PXN: variants seen among roughly 807,000 people sequenced by gnomAD.
PXN encodes paxillin.
In PXN, 61 loss-of-function variants were observed where a neutral mutation model predicts 103.6. The observed-to-expected ratio is 0.59, with a 90% confidence interval of 0.48 to 0.73. The LOEUF is 0.73. Ranked by LOEUF, PXN falls within the 30% of genes least tolerant of loss-of-function variation. The pLI, the probability that PXN is intolerant of heterozygous loss-of-function variation, is 0.00. For synonymous variants in PXN, 562 were observed against 607.8 expected, an observed-to-expected ratio of 0.92 and a Z score of 1.11; for missense variants, 1,274 against 1,460.3, an observed-to-expected ratio of 0.87 and a Z score of 2.08.
Position 120,212,627 on chromosome 12 carries a change from G to A in PXN, c.2980-47C>T. 6.3e-7 allele frequency: 1 copy of A among 1,579,534 alleles called. No homozygotes were observed. Among genetic ancestry groups the A allele is most frequent in the Non-Finnish European group, 8.6e-7 (1 of 1,162,116 alleles). On this transcript the variant is annotated intron_variant, in intron 14 of 14. Coordinates refer to ENST00000637617, the MANE Select transcript of PXN (RefSeq NM_001385981.1). The surrounding 1 kb of genome is among the most constrained non-coding windows in gnomAD (Gnocchi z 7.2). ...TCAGGGAGCTGCCCCTCGGGCTAGA[G>A]CTGCACCCTGTGTGATGGGGCCGAG...
chr12:120,245,929 C>T (rs756569363), intron 1 of PXN, among the ~76,000 whole-genome samples: 3 of 151,866 alleles, frequency 2.0e-5, no homozygotes, highest in Non-Finnish European at 2.9e-5. Flanking sequence ...ATATACTGTT[C>T]TTACATTATA....
chr12:120,214,160 A>G lies in PXN; in HGVS notation c.2806T>C (p.Cys936Arg). Residue 936 changes from cysteine (C) to arginine (R), a missense_variant, in exon 13 of 15, where the codon TGT (cysteine) becomes CGT (arginine). By Grantham distance (180) the Cys-to-Arg change is radical. Transcript: ENST00000637617. The surrounding 1 kb of genome is among the most constrained non-coding windows in gnomAD (Gnocchi z 5.0). ...CCTTCGGGACCAAAGAAGGCTCCAC[A>G]CTGTGCACAGAAGAAGTGTTCAGGG... ...WHPEHFFCAQ[C>R]GAFFGPEGFH... 2 of 1,552,434 alleles carry G rather than the reference A, an allele frequency of 1.3e-6. No homozygotes were observed. Among genetic ancestry groups the G allele is most frequent in the Non-Finnish European group, 1.7e-6 (2 of 1,147,526 alleles).
intron 1 of PXN, among the ~76,000 whole-genome samples, chr12:120,237,467 G>A (rs1319766816): frequency 6.6e-6 from 1 of 152,164 alleles, no homozygotes; most frequent in African/African-American, 2.4e-5. Flanking sequence ...CCACCCGCAT[G>A]TGTTCCAGTG....
rs750644101 is a variant in PXN at position 120,219,192 on chromosome 12, C to T, written c.1716+15G>A. 23 of 1,544,344 alleles carry T rather than the reference C, an allele frequency of 1.5e-5. No homozygotes were observed. Among genetic ancestry groups the T allele is most frequent in the Admixed American group, 1.9e-5 (1 of 53,102 alleles). On this transcript the variant is annotated intron_variant, in intron 7 of 14. Transcript: ENST00000637617. This position sits in a 1 kb window ranked among gnomAD's most constrained non-coding sequence, Gnocchi z 6.5. ...CCAATGGCCATGCCCAGCAGCCATG[C>T]GAGCTGGTGCCTGCCTGGCCAGAGG... is the stretch of plus-strand genomic sequence containing the variant.
chr12:120,211,914 A>G lies in PXN; in HGVS notation c.*400T>C, dbSNP rs989507354. On this transcript the variant is annotated 3_prime_UTR_variant, in exon 15 of 15. Coordinates refer to ENST00000637617, the MANE Select transcript of PXN (RefSeq NM_001385981.1). ...CAATTAGGTCGGGGGAGGAATAAGGATAAAAAGAGACCCCAACAGACCCTG... is the reference window on the plus strand; with the variant it reads ...CAATTAGGTCGGGGGAGGAATAAGGGTAAAAAGAGACCCCAACAGACCCTG... The G allele has an allele frequency of 5.7e-6, 3 of 528,332 alleles. No homozygotes were observed. The African/African-American group carries it at 5.7e-5, about 10-fold the overall frequency. 32.7% of individuals were successfully genotyped at this position (528,332 alleles called of 1,614,324 possible). A position where few individuals can be genotyped will look rare whatever the true frequency, so the allele number is the denominator to read the frequency against.
chr12:120,263,213 T>TG, intron 1 of PXN, among the ~76,000 whole-genome samples: 1 of 151,632 alleles, frequency 6.6e-6, no homozygotes, highest in East Asian at 1.9e-4. Context: ...AAACAGCTGA[T>TG]GGCAGTGTGC....
intron 1 of PXN, among the ~76,000 whole-genome samples, chr12:120,259,908 C>T (rs1166440285): frequency 6.6e-6 from 1 of 152,184 alleles, no homozygotes; most frequent in East Asian, 1.9e-4. Flanking sequence ...ATAGGACATC[C>T]TTCATTCTCC....
chr12:120,242,876 G>A (rs1452773237), intron 1 of PXN, among the ~76,000 whole-genome samples: 2 of 144,668 alleles, frequency 1.4e-5, no homozygotes, highest in African/African-American at 2.8e-5. Context: ...GCGAGACTCG[G>A]GCTTTAAAAA....
chr12:120,219,596 C>A lies in PXN; in HGVS notation c.1327G>T (p.Val443Leu). The A allele has an allele frequency of 1.9e-6, 3 of 1,564,688 alleles. No individual in the cohort carries two copies. The highest frequency in any genetic ancestry group is 2.6e-6 in the Non-Finnish European group (3 of 1,162,648). ...GGGGGCATTCTCTCAGGCCCGAATACCTCCGAAGCCCATGGCTGCTCCCAT... is the reference window on the plus strand; with the variant it reads ...GGGGGCATTCTCTCAGGCCCGAATAACTCCGAAGCCCATGGCTGCTCCCAT... Reference protein sequence around the residue: ...ATWEQPWASEVFGPERMPPSG... With the variant: ...ATWEQPWASELFGPERMPPSG... The change falls in exon 7 of 15, where the codon GTA becomes TTA. Residue 443 changes from valine to leucine, a missense_variant. Around this residue, in one of 2 missense-constraint regions of PXN, gnomAD observed 1,178 missense variants for 1,309.0 expected, o/e 0.90. Coordinates refer to ENST00000637617, the MANE Select transcript of PXN (RefSeq NM_001385981.1). This position sits in a 1 kb window ranked among gnomAD's most constrained non-coding sequence, Gnocchi z 6.5.
At position 120,265,361 on chromosome 12, in the gene PXN, C is replaced by G. The variant is rs375435141; in HGVS notation, c.13+256G>C. On this transcript the variant is annotated intron_variant, in intron 1 of 14. Transcript: ENST00000637617. The surrounding 1 kb of genome is among the most constrained non-coding windows in gnomAD (Gnocchi z 5.7). The stretch of plus-strand genomic sequence containing the variant: ...CTTCTGGGAGATGGTGATGGGTCCC[C>G]GAGGTCGGGGGTCCAGAGGTGAAGC... 6.6e-6 allele frequency among the ~76,000 whole-genome samples: 1 copy of G among 152,182 alleles called. No homozygotes were observed. Among genetic ancestry groups the G allele is most frequent in the South Asian group, 2.1e-4 (1 of 4,822 alleles).
At chr12:120,247,737 G>A (rs1232982063) in intron 1 of PXN, 1 of 153,324 alleles carries the variant, frequency 6.5e-6, no homozygotes, top group Non-Finnish European at 1.5e-5. Context: ...TTGCTAAGCA[G>A]ATTACGTCCA....
At chr12:120,238,871 T>C (rs1043756609) in intron 1 of PXN, among the ~76,000 whole-genome samples, 2 of 152,184 alleles carry the variant, frequency 1.3e-5, no homozygotes, top group Non-Finnish European at 2.9e-5. Flanking sequence ...TGCCTAGCTA[T>C]GTATGGGGGG....
Position 120,220,853 on chromosome 12 carries a change from T to C in PXN, c.832-762A>G, listed in dbSNP as rs2136276467. Among the ~76,000 whole-genome samples the C allele has an allele frequency of 6.6e-6, 1 of 152,210 alleles. No individual in the cohort carries two copies. Among genetic ancestry groups the C allele is most frequent in the Non-Finnish European group, 1.5e-5 (1 of 68,004 alleles). ...AGGGTGCAGGGACCGTTCACTCCCCTCTCATATTCCCTAGGTCATGCCCCA... is the reference window on the plus strand; with the variant it reads ...AGGGTGCAGGGACCGTTCACTCCCCCCTCATATTCCCTAGGTCATGCCCCA... On this transcript the variant is annotated intron_variant, in intron 6 of 14. Transcript: ENST00000637617. This position sits in a 1 kb window ranked among gnomAD's most constrained non-coding sequence, Gnocchi z 6.1.
chr12:120,224,094 T>C lies in PXN; in HGVS notation c.240+57A>G. On this transcript the variant is annotated intron_variant, in intron 2 of 14. Coordinates refer to ENST00000637617, the MANE Select transcript of PXN (RefSeq NM_001385981.1). This position sits in a 1 kb window ranked among gnomAD's most constrained non-coding sequence, Gnocchi z 5.0. ...CCTGGCTCCCTAAGCCCCTGCCAGCTAAGTTCCCTCTGTCCCCCAGCCTCC... is the reference window on the plus strand; with the variant it reads ...CCTGGCTCCCTAAGCCCCTGCCAGCCAAGTTCCCTCTGTCCCCCAGCCTCC... 1 of 1,379,010 alleles carries C rather than the reference T, an allele frequency of 7.3e-7. No homozygotes were observed. Among genetic ancestry groups the C allele is most frequent in the Non-Finnish European group, 9.8e-7 (1 of 1,017,134 alleles). 85.4% of individuals were successfully genotyped at this position (1,379,010 alleles called of 1,614,324 possible). A position where few individuals can be genotyped will look rare whatever the true frequency, so the allele number is the denominator to read the frequency against.
chr12:120,220,185 G>T lies in PXN; in HGVS notation c.832-94C>A. Reference sequence around the variant, plus strand: ...TGCAGGCGGTGGGCTCGGCCTTAGGGCTGACCAAGGTGGCTGCAAAGCTGA... The same window carrying T: ...TGCAGGCGGTGGGCTCGGCCTTAGGTCTGACCAAGGTGGCTGCAAAGCTGA... On this transcript the variant is annotated intron_variant, in intron 6 of 14. Coordinates refer to ENST00000637617, the MANE Select transcript of PXN (RefSeq NM_001385981.1). The surrounding 1 kb of genome is among the most constrained non-coding windows in gnomAD (Gnocchi z 6.1). 1 of 546,498 alleles carries T rather than the reference G, an allele frequency of 1.8e-6. No homozygotes were observed. The highest frequency in any genetic ancestry group is 3.2e-6 in the Non-Finnish European group (1 of 314,600). 33.9% of individuals were successfully genotyped at this position (546,498 alleles called of 1,614,324 possible).
intron 1 of PXN, among the ~76,000 whole-genome samples, chr12:120,235,963 T>C (rs1426560961): frequency 6.6e-6 from 1 of 152,156 alleles, no homozygotes; most frequent in Non-Finnish European, 1.5e-5. Flanking sequence ...GACTCCACTG[T>C]AGGCACCAAA....
chr12:120,227,146 A>G, intron 1 of PXN: 1 of 987,254 alleles, frequency 1.0e-6, no homozygotes, highest in Non-Finnish European at 1.2e-6. Flanking sequence ...GTAATAAAGT[A>G]ACATTCAAAT....
chr12:120,216,624 C>T lies in PXN; in HGVS notation c.1993-43G>A, dbSNP rs1883112690. The T allele has an allele frequency of 6.6e-7, 1 of 1,519,244 alleles. No individual in the cohort carries two copies. The highest frequency in any genetic ancestry group is 8.7e-7 in the Non-Finnish European group (1 of 1,150,472). 94.1% of individuals were successfully genotyped at this position (1,519,244 alleles called of 1,614,324 possible). On this transcript the variant is annotated intron_variant, in intron 8 of 14. Transcript: ENST00000637617. The surrounding 1 kb of genome is among the most constrained non-coding windows in gnomAD (Gnocchi z 5.1). ...GGGAGAGCGATGAGGAAGAAATCGC[C>T]AGCTCAGCCCACAGGGGTGGCGGGA...
rs747813672 is a variant in PXN, at chr12:120,214,975, C to T, written c.2598G>A (p.Thr866=). Residue 866 remains threonine, a synonymous_variant, in exon 12 of 15, where the codon ACG becomes ACA. Transcript: ENST00000637617. The surrounding 1 kb of genome is among the most constrained non-coding windows in gnomAD (Gnocchi z 5.0). ...AGQVVTAMGK[T]WHPEHFVCTH... ...TGCAGACGAAGTGCTCGGGGTGCCA[C>T]GTCTTCCCCATGGCGGTCACAACCT... is the stretch of plus-strand genomic sequence containing the variant. 8.1e-6 allele frequency: 13 copies of T among 1,613,712 alleles called. No individual in the cohort carries two copies. Among genetic ancestry groups the T allele is most frequent in the East Asian group, 2.2e-5 (1 of 44,888 alleles).
Sources: allele counts gnomAD v4.1 joint callset (sites outside exome capture counted in the v4.1 genomes callset), GRCh38; gene constraint gnomAD v4.1.1; regional missense constraint gnomAD v4.1.1; non-coding constraint Gnocchi (gnomAD v3.1); transcripts MANE v1.5; gene names NCBI Gene and HGNC (gene_info 2026-07-23, HGNC 2026-07-21).